The following ULK4 variants were observed in gnomAD, a reference collection of about 807,000 sequenced individuals.
ULK4 encodes inactive serine/threonine-protein kinase ULK4.
ULK4 carries 133 observed loss-of-function variants against 160.6 expected under a neutral mutation model. The ratio of observed to expected loss-of-function variants is 0.83; its 90% CI spans 0.72 to 0.96. The LOEUF is 0.96. ULK4 is among the 40% of genes least tolerant of loss of function. The probability of loss-of-function intolerance (pLI) is 0.00; values close to 1 mark genes in which losing one functional copy is unlikely to be tolerated. For missense variants in ULK4, 1,580 were observed against 1,499.5 expected (o/e 1.05, Z -0.89); for synonymous variants, 534 against 539.8 (o/e 0.99, Z 0.15).
intron 20 of ULK4, among the ~76,000 whole-genome samples, chr3:41,797,379 C>G (rs1176972994): frequency 6.6e-6 from 1 of 152,094 alleles, no homozygotes; most frequent in African/African-American, 2.4e-5. Flanking sequence ...ACAACCACCC[C>G]AGAGGTATCT....
chr3:41,458,904 C>T lies in ULK4; in HGVS notation c.3394-3309G>A, dbSNP rs556963849. Among the ~76,000 whole-genome samples, 168 of 151,644 alleles carry T rather than the reference C, an allele frequency of 1.1e-3. 2 individuals are homozygous for T. Among genetic ancestry groups the T allele is most frequent in the African/African-American group, 3.7e-3 (152 of 41,312 alleles). Reference sequence around the variant, plus strand: ...CCAAGTGGCTGGGATTACGGGTCCCCGCAAGCATGACTGGCTAATTTTTAT... The same window carrying T: ...CCAAGTGGCTGGGATTACGGGTCCCTGCAAGCATGACTGGCTAATTTTTAT... On this transcript the variant is annotated intron_variant, in intron 33 of 36. Coordinates refer to ENST00000301831, the MANE Select transcript of ULK4 (RefSeq NM_017886.4).
chr3:41,459,438 ATCAAT>A (rs1194073887), intron 33 of ULK4, among the ~76,000 whole-genome samples: 1 of 152,140 alleles, frequency 6.6e-6, no homozygotes, highest in African/African-American at 2.4e-5. Context: ...TGCGGCTCGG[ATCAAT>A]TCAATTCAAC....
chr3:41,353,839 A>G (rs1309680242), intron 35 of ULK4, among the ~76,000 whole-genome samples: 1 of 152,068 alleles, frequency 6.6e-6, no homozygotes, highest in African/African-American at 2.4e-5. Flanking sequence ...ATAATGCTAG[A>G]TGAAGTAACA....
chr3:41,930,015 A>G (rs1413668877), intron 5 of ULK4, among the ~76,000 whole-genome samples: 1 of 152,188 alleles, frequency 6.6e-6, no homozygotes, highest in African/African-American at 2.4e-5. Context: ...ACCAAAAAAG[A>G]GCCCGCATAG....
At position 41,819,506 on chromosome 3, in the gene ULK4, C is replaced by G; in HGVS notation, c.1765G>C (p.Glu589Gln). 1 of 1,590,138 alleles carries G rather than the reference C, an allele frequency of 6.3e-7. No homozygotes were observed. The highest frequency in any genetic ancestry group is 1.7e-4 in the Middle Eastern group (1 of 5,974). ...GELIYLVATQ[E>Q]EKKKNPRECW... ...TCTCTAGGGTTCTTTTTTTTTTCTT[C>G]CTAAAATGAAGTGGGAAAAAAAAAG... The change falls in exon 19 of 37, where the codon GAA becomes CAA. Residue 589 changes from glutamate (E) to glutamine (Q), a missense_variant and splice_region_variant. Glu to Gln is a conservative substitution (Grantham distance 29). Coordinates refer to ENST00000301831, the MANE Select transcript of ULK4 (RefSeq NM_017886.4).
rs1402269943 is a variant in ULK4 at position 41,754,363 on chromosome 3, T to C, written c.2319A>G (p.Ala773=). ...NREMLLLSCQ[A]RLVMYIERDS... is the part of the protein sequence containing the mutation. ...GAAACCATCAGAGAAAATCTTACCT[T>C]GCTTGGCAACTGAGCAGCAACATCT... is the stretch of plus-strand genomic sequence containing the variant. Residue 773 remains alanine (A), a splice_region_variant and synonymous_variant, in exon 22 of 37, where the codon GCA becomes GCG. Transcript: ENST00000301831. 1 of 1,608,886 alleles carries C rather than the reference T, an allele frequency of 6.2e-7. No individual in the cohort carries two copies. The highest frequency in any genetic ancestry group is 1.7e-5 in the Admixed American group (1 of 58,902).
intron 5 of ULK4, among the ~76,000 whole-genome samples, chr3:41,925,564 G>A (rs950354446): frequency 9.2e-5 from 14 of 152,262 alleles, no homozygotes; most frequent in Non-Finnish European, 1.8e-4. Context: ...ACCGTTCACT[G>A]CCCTGGAAAG....
At chr3:41,498,148 C>T (rs1354252595) in intron 32 of ULK4, among the ~76,000 whole-genome samples, 2 of 152,054 alleles carry the variant, frequency 1.3e-5, no homozygotes, top group African/African-American at 2.4e-5. Context: ...AACTAAATGC[C>T]AGGCCAAAAT....
intron 35 of ULK4, among the ~76,000 whole-genome samples, chr3:41,273,500 T>A (rs952401438): frequency 6.6e-6 from 1 of 152,178 alleles, no homozygotes; most frequent in Admixed American, 6.5e-5. Context: ...ATCCATACAT[T>A]TCCAGGGTTC....
At position 41,895,523 on chromosome 3, in the gene ULK4, C is replaced by T; in HGVS notation, c.1572G>A (p.Trp524Ter). 1 of 1,489,158 alleles carries T rather than the reference C, an allele frequency of 6.7e-7. No homozygotes were observed. The highest frequency in any genetic ancestry group is 9.0e-7 in the Non-Finnish European group (1 of 1,112,208). 92.2% of individuals were successfully genotyped at this position (1,489,158 alleles called of 1,614,324 possible). The change falls in exon 16 of 37, where the codon TGG (tryptophan) becomes TGA (stop). Residue 524 changes from tryptophan to a stop codon, truncating the protein, a stop_gained. Coordinates refer to ENST00000301831, the MANE Select transcript of ULK4 (RefSeq NM_017886.4). LOFTEE classifies it high-confidence loss of function. ...AAAATATAAACGTTACTTACATATCCCAGTTTGGAGCTATCCGCAAATGCT... is the reference window on the plus strand; with the variant it reads ...AAAATATAAACGTTACTTACATATCTCAGTTTGGAGCTATCCGCAAATGCT... ...LIQHLRIAPN[W>*]DIRAKVAHVI...
chr3:41,273,789 C>T (rs2079181183), intron 35 of ULK4, among the ~76,000 whole-genome samples: 1 of 152,070 alleles, frequency 6.6e-6, no homozygotes, highest in Non-Finnish European at 1.5e-5. Flanking sequence ...CTTGCTTTTG[C>T]AAGACTAAAT....
intron 17 of ULK4, among the ~76,000 whole-genome samples, chr3:41,869,873 C>CT (rs1193875815): frequency 2.6e-5 from 4 of 152,180 alleles, no homozygotes; most frequent in Non-Finnish European, 5.9e-5. Flanking sequence ...ACAAGAAAAA[C>CT]TCACTTTAAC....
chr3:41,788,779 C>T (rs1017283542), intron 21 of ULK4, among the ~76,000 whole-genome samples: 1 of 152,038 alleles, frequency 6.6e-6, no homozygotes, highest in African/African-American at 2.4e-5. Flanking sequence ...AATCACAATA[C>T]ACATTAGCAT....
chr3:41,905,959 T>C (rs530083208), intron 12 of ULK4, among the ~76,000 whole-genome samples: 1 of 152,224 alleles, frequency 6.6e-6, no homozygotes, highest in African/African-American at 2.4e-5. Flanking sequence ...GGCTCACGCC[T>C]ATAATCCTAG....
In ULK4 at chr3:41,894,040, A is replaced by G. The variant is rs373229762; in HGVS notation, c.1577+1478T>C. On this transcript the variant is annotated intron_variant, in intron 16 of 36. Coordinates refer to ENST00000301831, the MANE Select transcript of ULK4 (RefSeq NM_017886.4). Reference sequence around the variant, plus strand: ...TCAAATTAAAACTGTTTTACAATCAAACTTCAATTTTTAAAAGTGGGGGAA... The same window carrying G: ...TCAAATTAAAACTGTTTTACAATCAGACTTCAATTTTTAAAAGTGGGGGAA... Among the ~76,000 whole-genome samples the G allele has an allele frequency of 7.9e-5, 12 of 152,278 alleles. No individual in the cohort carries two copies. In the East Asian group the frequency reaches 2.1e-3, roughly 27 times the overall value.
chr3:41,856,588 CACAT>C (rs1447203632), intron 17 of ULK4, among the ~76,000 whole-genome samples: 2 of 71,904 alleles, frequency 2.8e-5, no homozygotes, highest in African/African-American at 9.7e-5. Context: ...TATATATATA[CACAT>C]ATATATATAT....
chr3:41,885,663 T>C (rs1221641356), intron 16 of ULK4, among the ~76,000 whole-genome samples: 1 of 151,922 alleles, frequency 6.6e-6, no homozygotes, highest in African/African-American at 2.4e-5. Context: ...CAGATGCAAG[T>C]AAGGAACAAA....
chr3:41,938,276 A>G, intron 2 of ULK4, 79 bp from the exon 3 acceptor site: 1 of 1,023,200 alleles, frequency 9.8e-7, no homozygotes, highest in South Asian at 1.6e-5. Context: ...TAAATATACA[A>G]TTGGTAAATG....
intron 35 of ULK4, among the ~76,000 whole-genome samples, chr3:41,306,543 C>T (rs1485648986): frequency 2.2e-4 from 33 of 150,626 alleles, no homozygotes; most frequent in African/African-American, 7.1e-4. Flanking sequence ...GCCCCCTGCC[C>T]GGCCAGCCAC....
Sources: allele counts gnomAD v4.1 joint callset (sites outside exome capture counted in the v4.1 genomes callset), GRCh38; gene constraint gnomAD v4.1.1; transcripts MANE v1.5; gene names NCBI Gene and HGNC (gene_info 2026-07-23, HGNC 2026-07-21).